Variants in TCF4 observed in about 807,000 individuals in gnomAD.
TCF4 encodes the protein transcription factor 4.
Under a neutral mutation model 82.1 loss-of-function variants are expected in TCF4, and 3 were observed. That is an observed-to-expected ratio of 0.04 (90% CI 0.02 to 0.09). TCF4 has a LOEUF of 0.09. Among genes scored for constraint, TCF4 ranks in the 10% least tolerant of loss-of-function variants. The probability of loss-of-function intolerance (pLI) is 1.00; values close to 1 mark genes in which losing one functional copy is unlikely to be tolerated. For missense variants in TCF4, 518 were observed against 852.7 expected (o/e 0.61, Z 4.89); for synonymous variants, 276 against 309.6 (o/e 0.89, Z 1.14).
At chr18:55,590,919 G>A (rs1312017459), upstream of TCF4, among the ~76,000 whole-genome samples, 1 of 152,164 alleles carries the variant, frequency 6.6e-6, no homozygotes, top group Non-Finnish European at 1.5e-5. Flanking sequence ...TTTTGTAAGT[G>A]GTACAAACTT....
intron 5 of TCF4, chr18:55,422,420 T>C (rs960000254): frequency 7.1e-6 from 7 of 979,262 alleles, no homozygotes; most frequent in Non-Finnish European, 8.5e-6. Context: ...GTTTGGGGGG[T>C]TTTTTTTAAT....
chr18:55,392,117 C>T (rs990835260), intron 6 of TCF4, among the ~76,000 whole-genome samples: 1 of 150,470 alleles, frequency 6.6e-6, no homozygotes, highest in Non-Finnish European at 1.5e-5. Flanking sequence ...GCATGCACCA[C>T]CACACCTAGC....
At chr18:55,419,676 G>T (rs1380848826) in intron 5 of TCF4, among the ~76,000 whole-genome samples, 1 of 152,122 alleles carries the variant, frequency 6.6e-6, no homozygotes, top group African/African-American at 2.4e-5. Context: ...ATCCTAAGTG[G>T]ATTCTTTTTT....
chr18:55,547,299 C>A (rs990387561), intron 3 of TCF4, among the ~76,000 whole-genome samples: 8 of 152,178 alleles, frequency 5.3e-5, no homozygotes, highest in Non-Finnish European at 1.2e-4. Flanking sequence ...AAGCCTGTGA[C>A]TGGATGCATT....
At position 55,379,959 on chromosome 18, in the gene TCF4, G is replaced by A. The variant is rs143044531; in HGVS notation, c.369+23495C>T. ...CATGATCATGGCTCACTGCAGCCTC[G>A]ACTTTCCGGGCTCAGCTGATCCTCT... On this transcript the variant is annotated intron_variant, in intron 6 of 19. Transcript: ENST00000354452. 5.3e-4 allele frequency among the ~76,000 whole-genome samples: 80 copies of A among 152,158 alleles called. 1 individual carries two copies. In the East Asian group the frequency reaches 6.6e-3, roughly 13 times the overall value.
intron 2 of TCF4, among the ~76,000 whole-genome samples, chr18:55,621,631 A>AC (rs2097719555): frequency 2.8e-5 from 2 of 70,852 alleles, no homozygotes. Context: ...TATATAATAT[A>AC]TATATTATAT....
At chr18:55,279,465 C>A (rs2062089924) in intron 9 of TCF4, 86 bp downstream of exon 9, 6 of 1,593,916 alleles carry the variant, frequency 3.8e-6, no homozygotes, top group Admixed American at 1.7e-5. Context: ...GCCTACTATT[C>A]CATTTCTTCT....
Position 55,261,450 on chromosome 18 carries a change from G to A in TCF4, c.990+16C>T, listed in dbSNP as rs894239630. The A allele has an allele frequency of 1.2e-6, 2 of 1,613,620 alleles. No homozygotes were observed. Among genetic ancestry groups the A allele is most frequent in the Non-Finnish European group, 1.7e-6 (2 of 1,179,716 alleles). Reference sequence around the variant, plus strand: ...TACAATGGTACATATGGAGTCCAAAGTCAATATTTCCTCACCGAAGCAAGT... The same window carrying A: ...TACAATGGTACATATGGAGTCCAAAATCAATATTTCCTCACCGAAGCAAGT... On this transcript the variant is annotated intron_variant, in intron 12 of 19. Transcript: ENST00000354452.
intron 3 of TCF4, among the ~76,000 whole-genome samples, chr18:55,480,255 C>T (rs1353890121): frequency 8.0e-6 from 1 of 124,808 alleles, no homozygotes; most frequent in Non-Finnish European, 1.6e-5. Flanking sequence ...TACCATGGAA[C>T]CTGGAACACA....
At position 55,365,065 on chromosome 18, in the gene TCF4, AT is replaced by A. The variant is rs1213394935; in HGVS notation, c.370-14063del. Among the ~76,000 whole-genome samples, 3 of 149,216 alleles carry A rather than the reference AT, an allele frequency of 2.0e-5. No homozygotes were observed. In the East Asian group the frequency reaches 5.9e-4, roughly 30 times the overall value. On this transcript the variant is annotated intron_variant, in intron 6 of 19. Transcript: ENST00000354452. ...CTACTCAAGAGGCTGAGGGAGGAGA[AT>A]TGCTTGAACTCGGGAGGTGGAGGTT...
intron 6 of TCF4, among the ~76,000 whole-genome samples, chr18:55,362,436 A>AGGAAGGAAGGAAGGAAAGAAG (rs1482551366): frequency 2.3e-5 from 3 of 131,004 alleles, no homozygotes; most frequent in Admixed American, 7.5e-5. Flanking sequence ...GAAGGAAGGA[A>AGGAAGGAAGGAAGGAAAGAAG]AAAAAAAAAG....
intron 3 of TCF4, among the ~76,000 whole-genome samples, chr18:55,484,583 C>G (rs1284512002): frequency 6.6e-6 from 1 of 152,156 alleles, no homozygotes; most frequent in Non-Finnish European, 1.5e-5. Flanking sequence ...TTGTGCATGG[C>G]AGTGGGGCCC....
At chr18:55,576,922 T>C (rs1048728082) in intron 3 of TCF4, among the ~76,000 whole-genome samples, 4 of 151,776 alleles carry the variant, frequency 2.6e-5, no homozygotes, top group Admixed American at 2.0e-4. Context: ...AAGATGATTC[T>C]TCTTCTTCCA....
At chr18:55,232,220 A>T (rs2048118811) in intron 17 of TCF4, 1 of 329,664 alleles carries the variant, frequency 3.0e-6, no homozygotes, top group East Asian at 6.3e-5. Flanking sequence ...CCAAATTTGT[A>T]GAATAAGTAT....
chr18:55,293,285 C>T (rs966516787), intron 8 of TCF4, among the ~76,000 whole-genome samples: 7 of 152,066 alleles, frequency 4.6e-5, no homozygotes, highest in African/African-American at 1.7e-4. Flanking sequence ...AGCAGTAAGC[C>T]TTGTTATCAG....
chr18:55,346,398 T>C (rs975914665), intron 8 of TCF4, among the ~76,000 whole-genome samples: 9 of 152,186 alleles, frequency 5.9e-5, no homozygotes, highest in African/African-American at 2.2e-4. Flanking sequence ...TGTCCCAAAT[T>C]ATCTCTGACC....
At chr18:55,502,773 T>C (rs2096714430) in intron 3 of TCF4, among the ~76,000 whole-genome samples, 1 of 152,214 alleles carries the variant, frequency 6.6e-6, no homozygotes, top group South Asian at 2.1e-4. Context: ...TCAAGTTACA[T>C]ACAAGTTAAG....
At chr18:55,230,513 G>C (rs1599432498) in intron 17 of TCF4, 1 of 152,104 alleles carries the variant, frequency 6.6e-6, no homozygotes, top group Non-Finnish European at 1.5e-5. Context: ...ACTTTTGGGG[G>C]GCTTATGAGA....
At chr18:55,362,649 G>A (rs1466093815) in intron 6 of TCF4, among the ~76,000 whole-genome samples, 1 of 152,154 alleles carries the variant, frequency 6.6e-6, no homozygotes, top group Non-Finnish European at 1.5e-5. Context: ...TGAGAAAGAT[G>A]CTGTTAAAAT....
Sources: gnomAD v4.1 joint callset for allele counts (sites outside exome capture counted in the v4.1 genomes callset) on GRCh38, gnomAD v4.1.1 for gene constraint, MANE v1.5 for transcripts, NCBI Gene and HGNC (gene_info 2026-07-23, HGNC 2026-07-21) for gene names.